The following PARD3 variants were observed in gnomAD, a reference collection of about 807,000 sequenced individuals.
The protein encoded by PARD3 is partitioning defective 3 homolog.
A neutral mutation model predicts 155.4 loss-of-function variants in PARD3; 75 were observed. The observed-to-expected ratio is 0.48, with a 90% CI of 0.40 to 0.58. The LOEUF is 0.58. Among genes scored for constraint, PARD3 ranks in the 20% least tolerant of loss-of-function variants. The probability of loss-of-function intolerance (pLI) is 0.00; values close to 1 mark genes in which losing one functional copy is unlikely to be tolerated. For missense variants in PARD3, 1,642 were observed against 1,721.7 expected, an observed-to-expected ratio of 0.95 and a Z score of 0.82; for synonymous variants, 576 against 610.5, an observed-to-expected ratio of 0.94 and a Z score of 0.83.
At chr10:34,151,052 T>G (rs1413402267) in intron 22 of PARD3, among the ~76,000 whole-genome samples, 7 of 152,220 alleles carry the variant, frequency 4.6e-5, no homozygotes, top group Non-Finnish European at 1.5e-5. Context: ...ATTTAGTTAA[T>G]GCAGTTTCTA....
At chr10:34,461,418 A>C (rs1014476331) in intron 4 of PARD3, among the ~76,000 whole-genome samples, 3 of 152,196 alleles carry the variant, frequency 2.0e-5, no homozygotes, top group Non-Finnish European at 4.4e-5. Context: ...CAGCCTGGCC[A>C]ACACGGTGAA....
intron 1 of PARD3, among the ~76,000 whole-genome samples, chr10:34,814,534 C>G (rs1469095269): frequency 6.6e-6 from 1 of 152,086 alleles, no homozygotes; most frequent in Non-Finnish European, 1.5e-5. Flanking sequence ...CGCGCGCTGG[C>G]TCGGGGCTTG....
intron 23 of PARD3, among the ~76,000 whole-genome samples, chr10:34,128,037 G>A (rs1564414812): frequency 6.6e-6 from 1 of 152,186 alleles, no homozygotes; most frequent in Admixed American, 6.5e-5. Context: ...TATTGTTGCA[G>A]AAGACAATTA....
intron 2 of PARD3, among the ~76,000 whole-genome samples, chr10:34,650,689 C>G (rs1027884958): frequency 6.6e-6 from 1 of 152,034 alleles, no homozygotes; most frequent in Non-Finnish European, 1.5e-5. Context: ...CAAAAGAACA[C>G]TAAAATGAAA....
intron 2 of PARD3, among the ~76,000 whole-genome samples, chr10:34,602,548 G>T (rs1474962389): frequency 6.6e-6 from 1 of 152,160 alleles, no homozygotes; most frequent in Non-Finnish European, 1.5e-5. Flanking sequence ...CACTAGAATG[G>T]AGTAAAAAAG....
At chr10:34,671,652 A>G (rs1221166378) in intron 2 of PARD3, among the ~76,000 whole-genome samples, 1 of 152,208 alleles carries the variant, frequency 6.6e-6, no homozygotes, top group Non-Finnish European at 1.5e-5. Flanking sequence ...GCAGAAACTG[A>G]AAGGGGTAAA....
chr10:34,510,241 C>T (rs565931537), intron 3 of PARD3, among the ~76,000 whole-genome samples: 1 of 152,266 alleles, frequency 6.6e-6, no homozygotes, highest in South Asian at 2.1e-4. Flanking sequence ...GCAGCTACCT[C>T]ATGCCAGCAG....
At chr10:34,210,960 AG>A (rs1409792334) in intron 22 of PARD3, among the ~76,000 whole-genome samples, 4 of 152,112 alleles carry the variant, frequency 2.6e-5, no homozygotes, top group Non-Finnish European at 5.9e-5. Context: ...ACCAATCATA[AG>A]GGAGGACAGG....
chr10:34,270,871 A>G (rs946058692), intron 21 of PARD3, among the ~76,000 whole-genome samples: 2 of 152,190 alleles, frequency 1.3e-5, no homozygotes, highest in Non-Finnish European at 2.9e-5. Flanking sequence ...GCTCACCTTT[A>G]CTGAAGTTAC....
intron 1 of PARD3, among the ~76,000 whole-genome samples, chr10:34,808,250 G>T (rs1386059595): frequency 1.3e-5 from 2 of 152,102 alleles, no homozygotes. Flanking sequence ...GGAGGTTGAG[G>T]CTGCAGTGAG....
intron 4 of PARD3, among the ~76,000 whole-genome samples, chr10:34,454,244 T>C (rs2077213568): frequency 6.6e-6 from 1 of 152,144 alleles, no homozygotes; most frequent in African/African-American, 2.4e-5. Context: ...ACAATGTGTA[T>C]CAAGTGCATA....
intron 1 of PARD3, among the ~76,000 whole-genome samples, chr10:34,759,300 T>C (rs541960827): frequency 1.3e-5 from 2 of 152,250 alleles, no homozygotes; most frequent in South Asian, 4.2e-4. Context: ...AGGTCCTAAA[T>C]GGTCCTATCA....
At chr10:34,812,531 G>A (rs1353843329) in intron 1 of PARD3, among the ~76,000 whole-genome samples, 1 of 152,150 alleles carries the variant, frequency 6.6e-6, no homozygotes, top group African/African-American at 2.4e-5. Context: ...TAGTAAGAAA[G>A]ACTAAAAATT....
At chr10:34,143,300 ACT>A (rs35872697) in intron 22 of PARD3, among the ~76,000 whole-genome samples, 34,716 of 151,974 alleles carry the variant, frequency 0.23, 4,846 homozygotes, top group Non-Finnish European at 0.3. Context: ...ACAGAGCAAG[ACT>A]CTGTCTCAAA....
chr10:34,242,918 G>A (rs1440649445), intron 22 of PARD3, among the ~76,000 whole-genome samples: 2 of 152,192 alleles, frequency 1.3e-5, no homozygotes, highest in African/African-American at 4.8e-5. Context: ...CTGGGCAACA[G>A]ACCAAGACTT....
intron 2 of PARD3, among the ~76,000 whole-genome samples, chr10:34,689,765 C>A (rs1297361053): frequency 6.6e-6 from 1 of 151,982 alleles, no homozygotes; most frequent in Non-Finnish European, 1.5e-5. Flanking sequence ...TTTTAATATG[C>A]CACTATTTAA....
chr10:34,292,501 C>G (rs896381323), intron 20 of PARD3, among the ~76,000 whole-genome samples: 26 of 152,148 alleles, frequency 1.7e-4, no homozygotes, highest in African/African-American at 6.0e-4. Flanking sequence ...GAGAGAGGAG[C>G]CTTAGAAAGG....
At chr10:34,311,736 C>T (rs549434819) in intron 20 of PARD3, among the ~76,000 whole-genome samples, 13 of 149,122 alleles carry the variant, frequency 8.7e-5, no homozygotes, top group African/African-American at 2.9e-4. Context: ...TATTTTCCTA[C>T]ACCACCACCC....
At chr10:34,372,410 G>T in intron 12 of PARD3, 88 bp downstream of exon 12, 1 of 999,598 alleles carries the variant, frequency 1.0e-6, no homozygotes, top group Non-Finnish European at 1.6e-6. Context: ...GAAAAGGCAG[G>T]ACAAGTAACT....
Sources: gnomAD v4.1 joint callset for allele counts (sites outside exome capture counted in the v4.1 genomes callset) on GRCh38, gnomAD v4.1.1 for gene constraint, MANE v1.5 for transcripts, NCBI Gene and HGNC (gene_info 2026-07-23, HGNC 2026-07-21) for gene names.